The following ILDR2 variants were observed in gnomAD, a reference collection of about 807,000 sequenced individuals.
ILDR2 encodes the protein immunoglobulin-like domain-containing receptor 2.
ILDR2 carries 25 observed loss-of-function variants against 66.8 expected under a neutral mutation model. The ratio of observed to expected loss-of-function variants is 0.37; its 90% CI spans 0.27 to 0.52. The LOEUF is 0.52. Among genes scored for constraint, ILDR2 ranks in the 20% least tolerant of loss-of-function variants. The pLI is 0.88. For missense variants in ILDR2, 827 were observed against 876.8 expected, an observed-to-expected ratio of 0.94 and a Z score of 0.72; for synonymous variants, 367 against 357.2, an observed-to-expected ratio of 1.03 and a Z score of -0.31.
chr1:166,974,813 A>C (rs113769398), intron 1 of ILDR2, among the ~76,000 whole-genome samples: 655 of 152,318 alleles, frequency 4.3e-3, no homozygotes, highest in Non-Finnish European at 7.8e-3. Flanking sequence ...AGTTCATTTA[A>C]TTAATCAGCT....
intron 1 of ILDR2, among the ~76,000 whole-genome samples, chr1:166,970,276 G>A (rs867568666): frequency 5.9e-5 from 9 of 152,234 alleles, no homozygotes; most frequent in African/African-American, 2.2e-4. Context: ...TTGAGGAAGA[G>A]CTCTTCCTTT....
chr1:166,901,732 C>T (rs929175117), intron 2 of ILDR2, among the ~76,000 whole-genome samples: 1 of 152,156 alleles, frequency 6.6e-6, no homozygotes, highest in African/African-American at 2.4e-5. Context: ...ATTTTTCTGC[C>T]TTCTTCCCTA....
At chr1:166,937,788 G>T (rs1557941438) in intron 4 of ILDR2, among the ~76,000 whole-genome samples, 1 of 152,174 alleles carries the variant, frequency 6.6e-6, no homozygotes, top group Non-Finnish European at 1.5e-5. Context: ...AAGCCAAAAA[G>T]ACTAAAGCAA....
intron 1 of ILDR2, among the ~76,000 whole-genome samples, chr1:166,972,194 AGAGT>A (rs1663340580): frequency 2.0e-5 from 3 of 151,982 alleles, no homozygotes; most frequent in Admixed American, 2.0e-4. Flanking sequence ...CCTGGGTGAC[AGAGT>A]GAGACTCTGT....
At chr1:166,938,123 G>C (rs1252262128) in intron 4 of ILDR2, among the ~76,000 whole-genome samples, 4 of 152,214 alleles carry the variant, frequency 2.6e-5, no homozygotes, top group Non-Finnish European at 5.9e-5. Flanking sequence ...TGCCTGGCTG[G>C]AGTGGCCTAG....
intron 7 of ILDR2, among the ~76,000 whole-genome samples, chr1:166,923,938 C>A (rs1429637361): frequency 6.6e-6 from 1 of 152,150 alleles, no homozygotes; most frequent in Non-Finnish European, 1.5e-5. Context: ...TCAGGCCTAG[C>A]TGTTGAGTGA....
chr1:166,906,121 T>C (rs980223751), downstream of ILDR2, among the ~76,000 whole-genome samples: 2 of 152,244 alleles, frequency 1.3e-5, no homozygotes, highest in Non-Finnish European at 2.9e-5. Flanking sequence ...GCAGCCTTCC[T>C]GAGGTCAGAG....
At chr1:166,899,625 A>G (rs1241941157) in intron 2 of ILDR2, among the ~76,000 whole-genome samples, 1 of 152,210 alleles carries the variant, frequency 6.6e-6, no homozygotes, top group African/African-American at 2.4e-5. Flanking sequence ...TGTTCATAGA[A>G]AAAGCTGGAT....
In ILDR2 at chr1:166,957,819, G is replaced by A. The variant is rs1662371271; in HGVS notation, c.329C>T (p.Thr110Ile). 6.2e-7 allele frequency: 1 copy of A among 1,614,174 alleles called. No homozygotes were observed. The highest frequency in any genetic ancestry group is 8.5e-7 in the Non-Finnish European group (1 of 1,180,012). The change falls in exon 2 of 10, where the codon ACT becomes ATT. Residue 110 changes from threonine (T) to isoleucine (I), a missense_variant. Thr to Ile is a moderately conservative substitution (Grantham distance 89). Around this residue, in one of 2 missense-constraint regions of ILDR2, gnomAD observed 437 missense variants for 523.2 expected, o/e 0.84. Coordinates refer to ENST00000271417, the MANE Select transcript of ILDR2 (RefSeq NM_199351.3). ...VRVVASKQGS[T>I]VTLGDFYRGR... ...CCTGTAGAAATCTCCCAGGGTGACA[G>A]TCGAGCCCTGTTTTGAAGCTACTAC...
chr1:166,920,419 T>C (rs757115364), intron 9 of ILDR2, among the ~76,000 whole-genome samples: 7 of 152,212 alleles, frequency 4.6e-5, no homozygotes, highest in Admixed American at 1.3e-4. Context: ...GTTGGTTAAA[T>C]ACCTAATGCT....
chr1:166,912,304 T>C lies in ILDR2; in HGVS notation c.*7051A>G, dbSNP rs1659489984. 6.6e-6 allele frequency: 1 copy of C among 152,158 alleles called. No individual in the cohort carries two copies. Among genetic ancestry groups the C allele is most frequent in the Non-Finnish European group, 1.5e-5 (1 of 68,012 alleles). 9.4% of individuals were successfully genotyped at this position (152,158 alleles called of 1,614,324 possible). ...AAGAACAAGAATGAAATAAAGACTT[T>C]TACATCAACAAAGACTGATGAGTAT... On this transcript the variant is annotated 3_prime_UTR_variant, in exon 10 of 10. Coordinates refer to ENST00000271417, the MANE Select transcript of ILDR2 (RefSeq NM_199351.3).
chr1:166,966,697 T>C (rs986350281), intron 1 of ILDR2, among the ~76,000 whole-genome samples: 2 of 152,246 alleles, frequency 1.3e-5, no homozygotes, highest in Non-Finnish European at 1.5e-5. Flanking sequence ...AATGAGTTCA[T>C]AGGTGTTGTC....
intron 3 of ILDR2, among the ~76,000 whole-genome samples, chr1:166,955,619 A>C (rs1170559778): frequency 6.6e-6 from 1 of 152,196 alleles, no homozygotes; most frequent in Non-Finnish European, 1.5e-5. Flanking sequence ...AAAATCAAAT[A>C]AAATAATTTT....
chr1:166,968,310 T>G (rs1663081760), intron 1 of ILDR2, among the ~76,000 whole-genome samples: 1 of 152,156 alleles, frequency 6.6e-6, no homozygotes, highest in Non-Finnish European at 1.5e-5. Context: ...CATCCCACTC[T>G]TCTCTGGCCA....
chr1:166,920,733 T>C lies in ILDR2; in HGVS notation c.1858A>G (p.Arg620Gly). ...LPYHSNSEKK[R>G]KKEPAKKTND... ...GTTTTCTTGGCGGGCTCCTTTTTCCTCTTCTTCTCCGAGTTGCTGTGGTAG... is the reference window on the plus strand; with the variant it reads ...GTTTTCTTGGCGGGCTCCTTTTTCCCCTTCTTCTCCGAGTTGCTGTGGTAG... Residue 620 changes from arginine to glycine, a missense_variant, in exon 9 of 10, where the codon AGG becomes GGG. This residue lies in a region of ILDR2 where 390 missense variants were observed against 353.6 expected (regional missense o/e 1.10). Transcript: ENST00000271417. The C allele has an allele frequency of 6.9e-7, 1 of 1,446,224 alleles. No homozygotes were observed. Among genetic ancestry groups the C allele is most frequent in the Non-Finnish European group, 9.1e-7 (1 of 1,096,758 alleles). The allele number at this position is 1,446,224 out of a possible 1,614,324, so 89.6% of individuals were successfully genotyped here. A position where few individuals can be genotyped will look rare whatever the true frequency, so the allele number is the denominator to read the frequency against.
intron 4 of ILDR2, 82 bp downstream of exon 4, chr1:166,939,432 G>T (rs1661180661): frequency 1.8e-6 from 2 of 1,130,272 alleles, no homozygotes; most frequent in South Asian, 2.5e-5. Flanking sequence ...ATAAAGTAAA[G>T]AAGCAATTAG....
intron 1 of ILDR2, among the ~76,000 whole-genome samples, chr1:166,961,627 G>C (rs768054468): frequency 2.6e-5 from 4 of 152,178 alleles, no homozygotes; most frequent in Non-Finnish European, 4.4e-5. Context: ...TTATGGAGTT[G>C]TTTGAGGGTT....
intron 3 of ILDR2, among the ~76,000 whole-genome samples, chr1:166,945,047 T>G (rs985435900): frequency 6.6e-6 from 1 of 152,202 alleles, no homozygotes; most frequent in Non-Finnish European, 1.5e-5. Context: ...GCTGGACTTA[T>G]GATTTGCTGC....
At position 166,936,534 on chromosome 1, in the gene ILDR2, T is replaced by A; in HGVS notation, c.703+57A>T. 1 of 1,610,360 alleles carries A rather than the reference T, an allele frequency of 6.2e-7. No individual in the cohort carries two copies. Among genetic ancestry groups the A allele is most frequent in the Non-Finnish European group, 8.5e-7 (1 of 1,177,950 alleles). ...GAACCCAGCGCACACAGCTGTCAGG[T>A]AGAGAGGTAGACATTTCTCTCGATC... On this transcript the variant is annotated intron_variant, in intron 5 of 9. Coordinates refer to ENST00000271417, the MANE Select transcript of ILDR2 (RefSeq NM_199351.3). The surrounding 1 kb of genome is among the most constrained non-coding windows in gnomAD (Gnocchi z 5.0).
Sources: allele counts gnomAD v4.1 joint callset (sites outside exome capture counted in the v4.1 genomes callset), GRCh38; gene constraint gnomAD v4.1.1; regional missense constraint gnomAD v4.1.1; non-coding constraint Gnocchi (gnomAD v3.1); transcripts MANE v1.5; gene names NCBI Gene and HGNC (gene_info 2026-07-23, HGNC 2026-07-21).